The following GALNTL6 variants were observed in gnomAD, a reference collection of about 807,000 sequenced individuals.
The protein encoded by GALNTL6 is polypeptide N-acetylgalactosaminyltransferase-like 6.
In GALNTL6, 46 loss-of-function variants were observed where a neutral mutation model predicts 73.7. The observed-to-expected ratio is 0.62, with a 90% confidence interval of 0.49 to 0.80. The LOEUF is 0.80. Among genes scored for constraint, GALNTL6 ranks in the 30% least tolerant of loss-of-function variants. The pLI, the probability that GALNTL6 is intolerant of heterozygous loss-of-function variation, is 0.00. For synonymous variants in GALNTL6, 259 were observed against 263.7 expected, an observed-to-expected ratio of 0.98 and a Z score of 0.17; for missense variants, 604 against 755.0, an observed-to-expected ratio of 0.80 and a Z score of 2.34.
intron 5 of GALNTL6, among the ~76,000 whole-genome samples, chr4:172,783,918 C>T (rs565976739): frequency 6.6e-6 from 1 of 152,066 alleles, no homozygotes; most frequent in East Asian, 1.9e-4. Flanking sequence ...TATGGATGTA[C>T]CACAGAAAAG....
chr4:171,843,875 G>A (rs1735305792), intron 2 of GALNTL6, among the ~76,000 whole-genome samples: 1 of 152,102 alleles, frequency 6.6e-6, no homozygotes, highest in South Asian at 2.1e-4. Context: ...TTCTATTAAT[G>A]ATTAAAGTAA....
intron 2 of GALNTL6, among the ~76,000 whole-genome samples, chr4:171,946,967 A>G (rs1738720562): frequency 6.6e-6 from 1 of 152,124 alleles, no homozygotes; most frequent in Non-Finnish European, 1.5e-5. Flanking sequence ...TCTTGTTTCT[A>G]TTTAAAGATT....
intron 2 of GALNTL6, among the ~76,000 whole-genome samples, chr4:171,890,313 T>C (rs1411698175): frequency 6.6e-6 from 1 of 152,100 alleles, no homozygotes; most frequent in Non-Finnish European, 1.5e-5. Context: ...TAGAGGAAAA[T>C]CAGAAAATCA....
At chr4:172,490,839 G>A (rs1262258593) in intron 5 of GALNTL6, among the ~76,000 whole-genome samples, 1 of 152,098 alleles carries the variant, frequency 6.6e-6, no homozygotes, top group Admixed American at 6.6e-5. Context: ...AGATTGTACC[G>A]CAAGGTCAGT....
At chr4:172,892,819 G>A (rs1434089107) in intron 8 of GALNTL6, among the ~76,000 whole-genome samples, 1 of 152,020 alleles carries the variant, frequency 6.6e-6, no homozygotes, top group Non-Finnish European at 1.5e-5. Flanking sequence ...AGTCTCAAGC[G>A]AAACGCTGGC....
intron 2 of GALNTL6, among the ~76,000 whole-genome samples, chr4:172,163,837 C>T (rs1479796099): frequency 6.6e-6 from 1 of 151,800 alleles, no homozygotes; most frequent in African/African-American, 2.4e-5. Flanking sequence ...GGCACACACA[C>T]AAAAACAAAC....
intron 2 of GALNTL6, among the ~76,000 whole-genome samples, chr4:171,900,089 T>G (rs1411097255): frequency 1.3e-5 from 2 of 152,152 alleles, no homozygotes; most frequent in Non-Finnish European, 2.9e-5. Context: ...AAACAATAAT[T>G]ATTGAATAAA....
At chr4:172,454,553 G>C (rs1732323195) in intron 5 of GALNTL6, among the ~76,000 whole-genome samples, 1 of 152,214 alleles carries the variant, frequency 6.6e-6, no homozygotes, top group Admixed American at 6.5e-5. Flanking sequence ...TCCATCTCCT[G>C]TACTTGCAGC....
intron 5 of GALNTL6, among the ~76,000 whole-genome samples, chr4:172,621,908 G>A (rs1738976372): frequency 6.6e-6 from 1 of 151,950 alleles, no homozygotes; most frequent in Admixed American, 6.6e-5. Context: ...TAATACCAAG[G>A]TTTGCTTGGA....
intron 2 of GALNTL6, among the ~76,000 whole-genome samples, chr4:171,972,915 A>G (rs968871023): frequency 6.6e-6 from 1 of 152,340 alleles, no homozygotes; most frequent in Non-Finnish European, 1.5e-5. Context: ...ACAGAATAAT[A>G]GTATAATCGA....
At chr4:172,008,662 A>G (rs370094268) in intron 2 of GALNTL6, among the ~76,000 whole-genome samples, 13 of 152,220 alleles carry the variant, frequency 8.5e-5, no homozygotes, top group African/African-American at 3.1e-4. Flanking sequence ...TTGTTTCCAC[A>G]GTCACTGTCC....
chr4:171,896,339 A>G (rs1321529783), intron 2 of GALNTL6, among the ~76,000 whole-genome samples: 1 of 152,202 alleles, frequency 6.6e-6, no homozygotes, highest in Non-Finnish European at 1.5e-5. Context: ...TCTAATACAC[A>G]TGACAACAAT....
intron 5 of GALNTL6, among the ~76,000 whole-genome samples, chr4:172,586,688 CAAG>C (rs1266150836): frequency 6.6e-6 from 1 of 152,124 alleles, no homozygotes; most frequent in Non-Finnish European, 1.5e-5. Flanking sequence ...TTGGCTTAGA[CAAG>C]AAGAATGCAT....
intron 2 of GALNTL6, chr4:172,052,631 T>C: frequency 1.5e-6 from 1 of 668,780 alleles, no homozygotes; most frequent in Non-Finnish European, 2.5e-6. Context: ...TAGGGTCACG[T>C]AGTCTCACCA....
intron 5 of GALNTL6, among the ~76,000 whole-genome samples, chr4:172,501,629 G>T (rs1579134356): frequency 6.6e-6 from 1 of 152,102 alleles, no homozygotes; most frequent in East Asian, 1.9e-4. Flanking sequence ...TTCATCAATT[G>T]TCCGTGAATT....
At chr4:171,940,309 G>C (rs1012092323) in intron 2 of GALNTL6, among the ~76,000 whole-genome samples, 4 of 147,238 alleles carry the variant, frequency 2.7e-5, no homozygotes, top group Non-Finnish European at 4.4e-5. Context: ...ATGGGGAGGG[G>C]ATGCAAATAA....
At chr4:172,102,540 A>C (rs1056589179) in intron 2 of GALNTL6, among the ~76,000 whole-genome samples, 1 of 152,120 alleles carries the variant, frequency 6.6e-6, no homozygotes, top group East Asian at 1.9e-4. Context: ...AACAATTGAG[A>C]GGTATTTCCA....
At chr4:172,011,342 G>C (rs1251109666) in intron 2 of GALNTL6, among the ~76,000 whole-genome samples, 2 of 152,102 alleles carry the variant, frequency 1.3e-5, no homozygotes, top group East Asian at 3.9e-4. Flanking sequence ...AGCTTGAAAG[G>C]ATTAAGGCTT....
chr4:172,263,586 A>G (rs1560995718), intron 3 of GALNTL6, among the ~76,000 whole-genome samples: 1 of 151,236 alleles, frequency 6.6e-6, no homozygotes, highest in East Asian at 1.9e-4. Flanking sequence ...GCTACTTTTT[A>G]AATTGATTTA....
Sources: gnomAD v4.1 joint callset for allele counts (sites outside exome capture counted in the v4.1 genomes callset) on GRCh38, gnomAD v4.1.1 for gene constraint, MANE v1.5 for transcripts, NCBI Gene and HGNC (gene_info 2026-07-23, HGNC 2026-07-21) for gene names.